CELF4: variants seen among roughly 807,000 people sequenced by gnomAD.
The protein encoded by CELF4 is CUG-BP- and ETR-3-like factor 4.
In CELF4, 18 loss-of-function variants were observed where a neutral mutation model predicts 59.9. The observed-to-expected ratio is 0.30, with a 90% CI of 0.21 to 0.45. The LOEUF (loss-of-function observed/expected upper bound fraction) is 0.45, where lower values mean the gene tolerates loss of function less well. Ranked by LOEUF, CELF4 falls within the 20% of genes least tolerant of loss-of-function variation. The pLI, the probability that CELF4 is intolerant of heterozygous loss-of-function variation, is 1.00. For missense variants in CELF4, 456 were observed against 689.0 expected (o/e 0.66, Z 3.79); for synonymous variants, 261 against 267.1 (o/e 0.98, Z 0.22).
At chr18:37,459,274 T>A (rs2099787155) in intron 2 of CELF4, among the ~76,000 whole-genome samples, 1 of 152,218 alleles carries the variant, frequency 6.6e-6, no homozygotes, top group African/African-American at 2.4e-5. Flanking sequence ...TTTGTCCCCA[T>A]GACACTGGCT....
intron 2 of CELF4, among the ~76,000 whole-genome samples, chr18:37,478,905 A>C (rs2099858348): frequency 6.6e-6 from 1 of 152,180 alleles, no homozygotes; most frequent in Non-Finnish European, 1.5e-5. Context: ...ATGCCTGCCA[A>C]GCAGGTTTGC....
rs1897006765 is a variant in CELF4 at position 37,563,070 on chromosome 18, T to C, written c.286+2286A>G. 2.0e-5 allele frequency among the ~76,000 whole-genome samples: 3 copies of C among 150,676 alleles called. No homozygotes were observed. The South Asian group carries it at 6.2e-4, about 31-fold the overall frequency. ...TTTTATATATCGATATCTATATCTA[T>C]ATATAAAATATATGTAATATATGTA... On this transcript the variant is annotated intron_variant, in intron 1 of 12. Coordinates refer to ENST00000420428, the MANE Select transcript of CELF4 (RefSeq NM_020180.4).
At chr18:37,467,280 T>C (rs2099811391) in intron 2 of CELF4, among the ~76,000 whole-genome samples, 1 of 152,170 alleles carries the variant, frequency 6.6e-6, no homozygotes, top group African/African-American at 2.4e-5. Flanking sequence ...GGTAACTTGT[T>C]AGCAGGCACT....
intron 2 of CELF4, among the ~76,000 whole-genome samples, chr18:37,421,295 G>A (rs559118079): frequency 5.7e-4 from 87 of 152,344 alleles, no homozygotes; most frequent in Non-Finnish European, 6.3e-4. Flanking sequence ...CAGCTCCCTG[G>A]CCAAAGCATT....
At chr18:37,321,417 C>T (rs2097112852) in intron 3 of CELF4, among the ~76,000 whole-genome samples, 1 of 152,212 alleles carries the variant, frequency 6.6e-6, no homozygotes, top group South Asian at 2.1e-4. Context: ...CCTGAATCCT[C>T]CTACAGCACA....
In CELF4 at chr18:37,254,155, C is replaced by T. The variant is rs1267104820; in HGVS notation, c.1334-217G>A. 6.6e-6 allele frequency among the ~76,000 whole-genome samples: 1 copy of T among 150,752 alleles called. No individual in the cohort carries two copies. On this transcript the variant is annotated intron_variant, in intron 11 of 12. Transcript: ENST00000420428. The surrounding 1 kb of genome is among the most constrained non-coding windows in gnomAD (Gnocchi z 5.1). ...CGCTGGCGGGGACCCGGCTCGCTGA[C>T]CTGCGCCTAGTCTCTGGCCGCGTCA... is the stretch of plus-strand genomic sequence containing the variant.
At chr18:37,409,109 T>TG (rs2099413147) in intron 2 of CELF4, among the ~76,000 whole-genome samples, 1 of 152,246 alleles carries the variant, frequency 6.6e-6, no homozygotes, top group Non-Finnish European at 1.5e-5. Context: ...GAAGAAACCC[T>TG]GAGCCTGACC....
At chr18:37,500,781 G>A (rs1029039134) in intron 1 of CELF4, among the ~76,000 whole-genome samples, 15 of 151,980 alleles carry the variant, frequency 9.9e-5, no homozygotes, top group African/African-American at 1.5e-4. Flanking sequence ...TGATCCACCC[G>A]CCTCGGTCTC....
intron 2 of CELF4, among the ~76,000 whole-genome samples, chr18:37,434,990 A>G (rs2099685466): frequency 6.6e-6 from 1 of 152,102 alleles, no homozygotes; most frequent in South Asian, 2.1e-4. Context: ...GGGGAGAAAA[A>G]TGGCAAGTCC....
intron 2 of CELF4, among the ~76,000 whole-genome samples, chr18:37,432,641 T>G (rs948202899): frequency 1.3e-5 from 2 of 152,192 alleles, no homozygotes; most frequent in African/African-American, 4.8e-5. Context: ...GGCAAAAATG[T>G]CTGCAAGGAC....
At chr18:37,265,737 G>A (rs1014800238) in intron 9 of CELF4, among the ~76,000 whole-genome samples, 3 of 152,150 alleles carry the variant, frequency 2.0e-5, no homozygotes, top group Non-Finnish European at 2.9e-5. Flanking sequence ...CACCTCCTCT[G>A]GGCTCCAGAT....
chr18:37,257,517 AGAGGG>A (rs2070678053), intron 11 of CELF4, among the ~76,000 whole-genome samples: 1 of 152,208 alleles, frequency 6.6e-6, no homozygotes, highest in African/African-American at 2.4e-5. Flanking sequence ...TGGCAGCTCC[AGAGGG>A]GAAGGGACAA....
chr18:37,260,832 AC>A (rs1249044170), intron 10 of CELF4, among the ~76,000 whole-genome samples: 6 of 150,596 alleles, frequency 4.0e-5, no homozygotes, highest in Non-Finnish European at 7.4e-5. Flanking sequence ...CCCTCTGCCC[AC>A]CCCAGCCCTT....
intron 3 of CELF4, among the ~76,000 whole-genome samples, chr18:37,319,658 C>T (rs747621870): frequency 6.6e-6 from 1 of 152,254 alleles, no homozygotes; most frequent in Non-Finnish European, 1.5e-5. Flanking sequence ...TCCAGGACAA[C>T]TGGCTCTCCA....
At chr18:37,552,446 T>G (rs2154605939) in intron 1 of CELF4, among the ~76,000 whole-genome samples, 1 of 152,072 alleles carries the variant, frequency 6.6e-6, no homozygotes, top group South Asian at 2.1e-4. Context: ...TCGAGAGGGG[T>G]GGTGGCATCC....
chr18:37,353,115 G>A (rs1044043093), intron 2 of CELF4, among the ~76,000 whole-genome samples: 1 of 151,612 alleles, frequency 6.6e-6, no homozygotes, highest in African/African-American at 2.4e-5. Flanking sequence ...CAGCTACTTG[G>A]GAGGCTGAGG....
intron 1 of CELF4, among the ~76,000 whole-genome samples, chr18:37,487,959 C>T (rs923156318): frequency 4.6e-5 from 7 of 152,086 alleles, no homozygotes; most frequent in Non-Finnish European, 8.8e-5. Context: ...GTGACCTCCC[C>T]CTGCCGTCTC....
chr18:37,485,754 G>A (rs1243077867), intron 1 of CELF4, 147 bp from the exon 2 acceptor site: 7 of 406,326 alleles, frequency 1.7e-5, no homozygotes, highest in South Asian at 1.2e-4. Flanking sequence ...CACTGTTCTC[G>A]GAGCTTCTCT....
At chr18:37,548,576 G>A (rs1203064969) in intron 1 of CELF4, among the ~76,000 whole-genome samples, 1 of 152,198 alleles carries the variant, frequency 6.6e-6, no homozygotes, top group Non-Finnish European at 1.5e-5. Flanking sequence ...TAGTGAGCCG[G>A]ACCCTCAGAG....
Sources: gnomAD v4.1 joint callset for allele counts (sites outside exome capture counted in the v4.1 genomes callset) on GRCh38, gnomAD v4.1.1 for gene constraint, Gnocchi (gnomAD v3.1) non-coding constraint, MANE v1.5 for transcripts, NCBI Gene and HGNC (gene_info 2026-07-23, HGNC 2026-07-21) for gene names.